Variants in P4HA3 observed in about 807,000 individuals in gnomAD.
P4HA3 encodes prolyl 4-hydroxylase subunit alpha 3.
P4HA3 carries 60 observed loss-of-function variants against 66.7 expected under a neutral mutation model. The observed-to-expected ratio is 0.90, with a 90% CI of 0.73 to 1.12. P4HA3 has a LOEUF of 1.12. Ranked by LOEUF, P4HA3 falls within the 50% of genes most tolerant of loss-of-function variation. P4HA3 has a pLI of 0.00. For synonymous variants in P4HA3, 263 were observed against 274.6 expected (o/e 0.96, Z 0.42); for missense variants, 683 against 685.8 (o/e 1.00, Z 0.05).
At chr11:74,273,152 A>G (rs113565024) in intron 10 of P4HA3, among the ~76,000 whole-genome samples, 5 of 152,304 alleles carry the variant, frequency 3.3e-5, no homozygotes, top group African/African-American at 1.2e-4. Flanking sequence ...CCCTCCCCAC[A>G]GCCCCACAAC....
chr11:74,266,622 C>T (rs529945434), downstream of P4HA3: 16 of 170,812 alleles, frequency 9.4e-5, no homozygotes, highest in East Asian at 1.6e-3. Flanking sequence ...TCCCACTCAG[C>T]ATTATAATGT....
chr11:74,285,274 C>T (rs186653162), intron 7 of P4HA3, among the ~76,000 whole-genome samples: 1 of 152,134 alleles, frequency 6.6e-6, no homozygotes, highest in Non-Finnish European at 1.5e-5. Context: ...CTTAACAAGT[C>T]CCTTCCCCTC....
At chr11:74,255,554 A>AC (rs1859812721) in intron 15 of P4HA3, among the ~76,000 whole-genome samples, 1 of 152,178 alleles carries the variant, frequency 6.6e-6, no homozygotes, top group African/African-American at 2.4e-5. Flanking sequence ...ATGGAGATAA[A>AC]CCGTACCTAC....
At chr11:74,259,681 A>G (rs879476010) in intron 15 of P4HA3, among the ~76,000 whole-genome samples, 18 of 152,144 alleles carry the variant, frequency 1.2e-4, no homozygotes, top group Non-Finnish European at 2.5e-4. Context: ...GAATCCTACA[A>G]TATTTATTTT....
intron 9 of P4HA3, among the ~76,000 whole-genome samples, chr11:74,274,265 C>A (rs1297594123): frequency 2.6e-5 from 4 of 151,408 alleles, no homozygotes; most frequent in Non-Finnish European, 4.4e-5. Context: ...CACCTGTTGA[C>A]AGACATCTGG....
intron 15 of P4HA3, among the ~76,000 whole-genome samples, chr11:74,256,901 TAAC>T (rs1859839971): frequency 1.3e-5 from 2 of 152,202 alleles, no homozygotes; most frequent in Non-Finnish European, 2.9e-5. Context: ...CCCACGCTCT[TAAC>T]ATACTGTTAG....
chr11:74,302,101 T>C (rs76566326), intron 3 of P4HA3, among the ~76,000 whole-genome samples: 88 of 152,258 alleles, frequency 5.8e-4, no homozygotes, highest in African/African-American at 2.0e-3. Flanking sequence ...GTTCTAAGTA[T>C]ATAAACACCT....
chr11:74,301,578 T>C (rs1342979106), intron 3 of P4HA3, among the ~76,000 whole-genome samples: 3 of 152,188 alleles, frequency 2.0e-5, no homozygotes, highest in Non-Finnish European at 4.4e-5. Context: ...CCCAGATCTG[T>C]TGATGAATAC....
rs1427857707 is a variant in P4HA3, at chr11:74,311,458, T to TCAGCAGCCC, written c.145_153dup (p.Gly49_Leu51dup). On this transcript the variant is annotated inframe_insertion, in exon 1 of 13. Coordinates refer to ENST00000331597, the MANE Select transcript of P4HA3 (RefSeq NM_182904.5). Reference sequence around the variant, plus strand: ...GCCTCCTCCCCGCGCAGGTACCGCCTCAGCAGCCCCAGCAGCCGGCGCTCG... The same window carrying TCAGCAGCCC: ...GCCTCCTCCCCGCGCAGGTACCGCCTCAGCAGCCCCAGCAGCCCCAGCAGCCGGCGCTCG... The TCAGCAGCCC allele has an allele frequency of 9.7e-6, 15 of 1,540,150 alleles. No individual in the cohort carries two copies. Among genetic ancestry groups the TCAGCAGCCC allele is most frequent in the African/African-American group, 5.6e-5 (4 of 71,922 alleles).
chr11:74,300,695 G>A (rs1717897806), intron 3 of P4HA3, among the ~76,000 whole-genome samples: 1 of 152,196 alleles, frequency 6.6e-6, no homozygotes, highest in South Asian at 2.1e-4. Context: ...TCGGGGAAGT[G>A]TAGATGAAAC....
chr11:74,277,020 C>T lies in P4HA3; in HGVS notation c.1300G>A (p.Gly434Arg), dbSNP rs141003026. 1.2e-4 allele frequency: 195 copies of T among 1,613,962 alleles called. 1 individual carries two copies. In the African/African-American group the frequency reaches 1.3e-3, roughly 11 times the overall value. Residue 434 changes from glycine (G) to arginine (R), a missense_variant, in exon 9 of 13, where the codon GGA becomes AGA. Transcript: ENST00000331597. Reference sequence around the variant, plus strand: ...TCAAAGTGAGGCTCATAGTGTCCTCCGATGCCATAGTTCACCACCTGCAGA... The same window carrying T: ...TCAAAGTGAGGCTCATAGTGTCCTCTGATGCCATAGTTCACCACCTGCAGA... ...EYLQVVNYGI[G>R]GHYEPHFDHA... is the part of the protein sequence containing the mutation.
At chr11:74,286,990 C>A (rs1233951820) in intron 5 of P4HA3, 7 of 629,912 alleles carry the variant, frequency 1.1e-5, no homozygotes, top group Non-Finnish European at 1.2e-5. Context: ...TCTTTCAAAT[C>A]TCCTAACTGG....
At chr11:74,306,464 C>T (rs567949138) in intron 1 of P4HA3, among the ~76,000 whole-genome samples, 32 of 152,062 alleles carry the variant, frequency 2.1e-4, no homozygotes, top group South Asian at 8.3e-4. Flanking sequence ...AGAGTTTTCC[C>T]GCTCGTTTTA....
chr11:74,285,034 TTTATAA>T (rs1347257912), intron 7 of P4HA3, among the ~76,000 whole-genome samples: 5 of 152,126 alleles, frequency 3.3e-5, no homozygotes, highest in African/African-American at 7.2e-5. Flanking sequence ...CAAAGTTTAA[TTTATAA>T]TTATATGTTA....
chr11:74,284,860 C>T (rs542649439), intron 7 of P4HA3, among the ~76,000 whole-genome samples: 3 of 152,218 alleles, frequency 2.0e-5, no homozygotes, highest in East Asian at 3.9e-4. Context: ...TAGTCACTGT[C>T]CCTTTCCCAA....
chr11:74,281,366 A>T (rs61902367), intron 7 of P4HA3, among the ~76,000 whole-genome samples: 1 of 152,196 alleles, frequency 6.6e-6, no homozygotes, highest in Non-Finnish European at 1.5e-5. Context: ...CAGCCATCCC[A>T]TTACTGGGTA....
chr11:74,293,969 A>G (rs1861125928), intron 4 of P4HA3, among the ~76,000 whole-genome samples: 1 of 151,818 alleles, frequency 6.6e-6, no homozygotes. Flanking sequence ...CGTTCTGTGT[A>G]TTTCCTGAAT....
chr11:74,272,346 G>C (rs948705193), intron 10 of P4HA3, among the ~76,000 whole-genome samples: 1 of 152,202 alleles, frequency 6.6e-6, no homozygotes, highest in African/African-American at 2.4e-5. Context: ...ATATTGAGGG[G>C]ATAAAGAACA....
chr11:74,280,098 A>C (rs886682879), intron 7 of P4HA3, among the ~76,000 whole-genome samples: 4 of 152,228 alleles, frequency 2.6e-5, no homozygotes, highest in African/African-American at 9.6e-5. Context: ...TGATAACACT[A>C]GTTTAACTAA....
Sources: gnomAD v4.1 joint callset for allele counts (sites outside exome capture counted in the v4.1 genomes callset) on GRCh38, gnomAD v4.1.1 for gene constraint, MANE v1.5 for transcripts, NCBI Gene and HGNC (gene_info 2026-07-23, HGNC 2026-07-21) for gene names.